MPZL1: variants seen among roughly 807,000 people sequenced by gnomAD.
The protein encoded by MPZL1 is myelin protein zero-like protein 1.
MPZL1 carries 16 observed loss-of-function variants against 29.3 expected under a neutral mutation model. The observed-to-expected ratio is 0.55, with a 90% confidence interval of 0.37 to 0.83. The LOEUF is 0.83. Ranked by LOEUF, MPZL1 falls within the 40% of genes least tolerant of loss-of-function variation. The pLI is 0.00. For missense variants in MPZL1, 279 were observed against 332.9 expected (o/e 0.84, Z 1.26); for synonymous variants, 143 against 132.0 (o/e 1.08, Z -0.57).
intron 1 of MPZL1, among the ~76,000 whole-genome samples, chr1:167,727,084 TA>T (rs1455160135): frequency 1.3e-5 from 2 of 152,252 alleles, no homozygotes; most frequent in Non-Finnish European, 2.9e-5. Context: ...TATTATAAAA[TA>T]TTTTTAAAAC....
intron 2 of MPZL1, among the ~76,000 whole-genome samples, chr1:167,771,002 CTTT>C (rs780993668): frequency 2.5e-5 from 3 of 120,924 alleles, no homozygotes; most frequent in Admixed American, 8.1e-5. Context: ...TGTTGCATTT[CTTT>C]TTTTTTTTTT....
intron 1 of MPZL1, among the ~76,000 whole-genome samples, chr1:167,730,608 T>C (rs902272619): frequency 1.8e-4 from 27 of 152,148 alleles, no homozygotes; most frequent in African/African-American, 6.3e-4. Context: ...TTCTCACTCA[T>C]ACCTCTCCCG....
At chr1:167,759,878 G>C (rs373855094) in intron 1 of MPZL1, among the ~76,000 whole-genome samples, 5 of 152,196 alleles carry the variant, frequency 3.3e-5, no homozygotes, top group Non-Finnish European at 5.9e-5. Flanking sequence ...GGGGGTCAGG[G>C]TAGGCAATGA....
intron 1 of MPZL1, 154 bp from the exon 2 acceptor site, chr1:167,765,429 C>T: frequency 1.9e-6 from 1 of 540,514 alleles, no homozygotes. Context: ...TCTGATTGAA[C>T]TTAGCTGTAG....
At position 167,765,575 on chromosome 1, in the gene MPZL1, C is replaced by G; in HGVS notation, c.92-8C>G. The G allele has an allele frequency of 6.3e-7, 1 of 1,599,528 alleles. No individual in the cohort carries two copies. The highest frequency in any genetic ancestry group is 8.5e-7 in the Non-Finnish European group (1 of 1,173,116). ...TACTTTCAACTACCCTTATTCCTTT[C>G]TCTTCAGTGACAGCTGGAGTATCAG... On this transcript the variant is annotated splice_region_variant and splice_polypyrimidine_tract_variant and intron_variant, in intron 1 of 5. Transcript: ENST00000359523.
At chr1:167,728,778 C>A (rs1660207932) in intron 1 of MPZL1, among the ~76,000 whole-genome samples, 1 of 152,152 alleles carries the variant, frequency 6.6e-6, no homozygotes, top group South Asian at 2.1e-4. Context: ...GTTAGAAATG[C>A]AGTATGTCTT....
chr1:167,741,208 A>G (rs1161228863), intron 1 of MPZL1, among the ~76,000 whole-genome samples: 1 of 120,200 alleles, frequency 8.3e-6, no homozygotes, highest in African/African-American at 3.3e-5. Flanking sequence ...TTTTTTAGAG[A>G]TGGGGGTTTC....
intron 1 of MPZL1, among the ~76,000 whole-genome samples, chr1:167,733,786 T>G (rs1294202725): frequency 6.6e-6 from 1 of 150,966 alleles, no homozygotes; most frequent in Non-Finnish European, 1.5e-5. Context: ...GAGCCTGTAG[T>G]CCTAGGTACC....
At chr1:167,744,061 A>G (rs1047959208) in intron 1 of MPZL1, among the ~76,000 whole-genome samples, 7 of 151,982 alleles carry the variant, frequency 4.6e-5, no homozygotes, top group African/African-American at 1.7e-4. Context: ...GATGGCTTTT[A>G]TTACATTGAG....
chr1:167,722,150 C>A lies in MPZL1; in HGVS notation c.-2C>A, dbSNP rs866248131. On this transcript the variant is annotated 5_prime_UTR_variant, in exon 1 of 6. Transcript: ENST00000359523. ...GGCGGCGGCGACTGCAGTGGCTGGA[C>A]GATGGCAGCGTCCGCCGGAGCCGGG... The A allele has an allele frequency of 2.4e-6, 3 of 1,235,668 alleles. No individual in the cohort carries two copies. Among genetic ancestry groups the A allele is most frequent in the East Asian group, 6.3e-5 (2 of 31,674 alleles). 76.5% of individuals were successfully genotyped at this position (1,235,668 alleles called of 1,614,324 possible).
At chr1:167,739,310 C>CACACACATACAT (rs1660465457) in intron 1 of MPZL1, among the ~76,000 whole-genome samples, 1 of 101,374 alleles carries the variant, frequency 9.9e-6, no homozygotes, top group African/African-American at 5.0e-5. Context: ...TATATATATA[C>CACACACATACAT]ACATATATAT....
At chr1:167,773,559 G>C (rs1355879665) in intron 4 of MPZL1, 191 bp downstream of exon 4, 1 of 581,362 alleles carries the variant, frequency 1.7e-6, no homozygotes, top group African/African-American at 1.9e-5. Context: ...ATTAAATGTG[G>C]AATATGATTC....
chr1:167,746,500 T>C (rs903014162), intron 1 of MPZL1, among the ~76,000 whole-genome samples: 1 of 152,122 alleles, frequency 6.6e-6, no homozygotes, highest in East Asian at 1.9e-4. Flanking sequence ...ACAATACATA[T>C]GTCGAATAAG....
intron 1 of MPZL1, among the ~76,000 whole-genome samples, chr1:167,732,900 C>G (rs1660300020): frequency 6.6e-6 from 1 of 152,162 alleles, no homozygotes; most frequent in South Asian, 2.1e-4. Context: ...TGTTTTGGTC[C>G]ACAAAGCTAG....
chr1:167,747,417 G>T (rs977518104), intron 1 of MPZL1, among the ~76,000 whole-genome samples: 1 of 152,078 alleles, frequency 6.6e-6, no homozygotes, highest in Non-Finnish European at 1.5e-5. Flanking sequence ...AGAAACAGGG[G>T]TCTCACTATG....
chr1:167,774,984 T>G (rs999644447), intron 4 of MPZL1: 4 of 152,230 alleles, frequency 2.6e-5, no homozygotes, highest in African/African-American at 9.6e-5. Flanking sequence ...GTCACATGTT[T>G]GTATTGGAAA....
rs548625533 is a variant in MPZL1 at position 167,731,598 on chromosome 1, G to A, written c.91+9356G>A. On this transcript the variant is annotated intron_variant, in intron 1 of 5. Transcript: ENST00000359523. ...ACTACAGGCAGCCGCCACCACACCC[G>A]GCTAATTTTTTGTATTTTTTCAGTA... Among the ~76,000 whole-genome samples the A allele has an allele frequency of 2.0e-4, 30 of 151,898 alleles. No homozygotes were observed. In the East Asian group the frequency reaches 3.9e-3, roughly 20 times the overall value.
At chr1:167,776,972 T>C (rs1354049442) in intron 5 of MPZL1, among the ~76,000 whole-genome samples, 1 of 152,170 alleles carries the variant, frequency 6.6e-6, no homozygotes, top group Admixed American at 6.5e-5. Flanking sequence ...TTGTTATATG[T>C]GGTGAGGAAA....
chr1:167,751,234 T>C (rs1352641517), intron 1 of MPZL1, among the ~76,000 whole-genome samples: 1 of 152,240 alleles, frequency 6.6e-6, no homozygotes, highest in African/African-American at 2.4e-5. Context: ...CACCATATTA[T>C]CTTTTTATGA....
Sources: gnomAD v4.1 joint callset for allele counts (sites outside exome capture counted in the v4.1 genomes callset) on GRCh38, gnomAD v4.1.1 for gene constraint, MANE v1.5 for transcripts, NCBI Gene and HGNC (gene_info 2026-07-23, HGNC 2026-07-21) for gene names.